SIK3: variants seen among roughly 807,000 people sequenced by gnomAD.
The protein encoded by SIK3 is serine/threonine-protein kinase SIK3.
In SIK3, 28 loss-of-function variants were observed where a neutral mutation model predicts 144.2. That is an observed-to-expected ratio of 0.19 (90% confidence interval 0.14 to 0.27). The LOEUF is 0.27. Ranked by LOEUF, SIK3 falls within the 10% of genes least tolerant of loss-of-function variation. SIK3 has a pLI of 1.00. For synonymous variants in SIK3, 686 were observed against 676.3 expected (o/e 1.01, Z -0.22); for missense variants, 1,319 against 1,776.0 (o/e 0.74, Z 4.62).
At chr11:116,942,112 A>G (rs1378188082) in intron 3 of SIK3, among the ~76,000 whole-genome samples, 3 of 152,178 alleles carry the variant, frequency 2.0e-5, no homozygotes, top group Non-Finnish European at 4.4e-5. Context: ...CAGTTACCCA[A>G]AAAAGGTGCT....
At chr11:116,912,374 G>A (rs1057415505) in intron 4 of SIK3, among the ~76,000 whole-genome samples, 4 of 152,114 alleles carry the variant, frequency 2.6e-5, no homozygotes, top group South Asian at 2.1e-4. Context: ...CAAAACGGGC[G>A]GCATTAATTT....
intron 6 of SIK3, chr11:116,893,872 G>A (rs1408566664): frequency 1.8e-5 from 3 of 164,172 alleles, no homozygotes; most frequent in South Asian, 4.2e-4. Context: ...AGAGCGTGTC[G>A]TCTATTTTCC....
At chr11:117,065,221 T>C (rs888448100) in intron 1 of SIK3, among the ~76,000 whole-genome samples, 1 of 151,524 alleles carries the variant, frequency 6.6e-6, no homozygotes, top group Non-Finnish European at 1.5e-5. Context: ...TTACCCAACA[T>C]AAAATGAGAC....
chr11:117,024,917 A>G (rs1301731051), intron 1 of SIK3, among the ~76,000 whole-genome samples: 1 of 151,968 alleles, frequency 6.6e-6, no homozygotes, highest in Non-Finnish European at 1.5e-5. Flanking sequence ...AAAAAAAATC[A>G]TCTAATGCAG....
rs553868575 is a variant in SIK3, at chr11:117,055,701, C to T, written c.273+42442G>A. On this transcript the variant is annotated intron_variant, in intron 1 of 24. Coordinates refer to ENST00000445177, the MANE Select transcript of SIK3 (RefSeq NM_001366686.3). ...TAGGGCCACAGTTTGAATGTCTCCGCCTCTAAAAGTCAGATGTTGCCAACG... is the reference window on the plus strand; with the variant it reads ...TAGGGCCACAGTTTGAATGTCTCCGTCTCTAAAAGTCAGATGTTGCCAACG... Among the ~76,000 whole-genome samples the T allele has an allele frequency of 5.3e-5, 8 of 152,374 alleles. 1 individual carries two copies. In the South Asian group the frequency reaches 1.7e-3, roughly 32 times the overall value.
chr11:116,933,255 C>T (rs1160108542), intron 3 of SIK3, among the ~76,000 whole-genome samples: 1 of 151,938 alleles, frequency 6.6e-6, no homozygotes, highest in Non-Finnish European at 1.5e-5. Flanking sequence ...ATTCTCCTGC[C>T]TCAGCCTCCC....
intron 4 of SIK3, among the ~76,000 whole-genome samples, chr11:116,898,126 C>G (rs575842025): frequency 6.7e-6 from 1 of 150,314 alleles, no homozygotes; most frequent in African/African-American, 2.5e-5. Flanking sequence ...CCTCCCCCGT[C>G]CCCCCACCCC....
intron 1 of SIK3, among the ~76,000 whole-genome samples, chr11:117,082,703 T>C (rs750424367): frequency 6.6e-6 from 1 of 152,130 alleles, no homozygotes; most frequent in Admixed American, 6.6e-5. Flanking sequence ...TGTATTATAG[T>C]GATGGTCGCA....
At chr11:117,093,900 A>C (rs1347122931) in intron 1 of SIK3, among the ~76,000 whole-genome samples, 1 of 152,070 alleles carries the variant, frequency 6.6e-6, no homozygotes, top group Non-Finnish European at 1.5e-5. Context: ...GGTGAGAAGC[A>C]AAAAAAGGAG....
chr11:116,947,170 T>TATTATTTATATATAATATATAATATATAA (rs1565486974), intron 3 of SIK3, among the ~76,000 whole-genome samples: 1 of 116,620 alleles, frequency 8.6e-6, no homozygotes, highest in Non-Finnish European at 1.6e-5. Context: ...ATATATAAAT[T>TATTATTTATATATAATATATAATATATAA]ATTATTTATA....
chr11:117,029,212 C>G (rs1484600338), intron 1 of SIK3, among the ~76,000 whole-genome samples: 1 of 152,240 alleles, frequency 6.6e-6, no homozygotes, highest in Non-Finnish European at 1.5e-5. Flanking sequence ...CCCAGCCTAT[C>G]CCAGCACTTT....
At chr11:116,927,159 T>C in intron 4 of SIK3, 60 bp downstream of exon 4, 2 of 1,289,810 alleles carry the variant, frequency 1.6e-6, no homozygotes, top group Middle Eastern at 1.9e-4. Context: ...ATCCCTTGCT[T>C]ATAGAACCCC....
chr11:116,935,852 A>C (rs1947889824), intron 3 of SIK3, among the ~76,000 whole-genome samples: 1 of 152,228 alleles, frequency 6.6e-6, no homozygotes, highest in African/African-American at 2.4e-5. Context: ...GTAGCATGAG[A>C]TGGTAACTAA....
At chr11:116,969,698 A>C (rs1383360019) in intron 1 of SIK3, among the ~76,000 whole-genome samples, 1 of 152,218 alleles carries the variant, frequency 6.6e-6, no homozygotes, top group Non-Finnish European at 1.5e-5. Context: ...AAAAATGATC[A>C]TACACAGCAG....
intron 16 of SIK3, 97 bp from the exon 17 acceptor site, chr11:116,862,424 A>T: frequency 1.3e-6 from 2 of 1,518,984 alleles, no homozygotes; most frequent in Non-Finnish European, 1.8e-6. Context: ...TCTCATGGGC[A>T]GAAAGAGCCG....
chr11:116,922,907 CTTTTTTTTTTTTTTTTTTTT>C (rs202058609), intron 4 of SIK3, among the ~76,000 whole-genome samples: 2 of 102,174 alleles, frequency 2.0e-5, no homozygotes, highest in African/African-American at 3.5e-5. Flanking sequence ...TTTCTTTTCT[CTTTTTTTTTTTTTTTTTTTT>C]TTTTTTTGAG....
intron 1 of SIK3, among the ~76,000 whole-genome samples, chr11:117,081,129 A>G (rs1954765282): frequency 1.3e-5 from 2 of 152,158 alleles, no homozygotes; most frequent in East Asian, 3.9e-4. Context: ...GTGGCAAACT[A>G]GATTGTGGTA....
intron 1 of SIK3, among the ~76,000 whole-genome samples, chr11:116,963,832 A>C (rs1949432182): frequency 6.6e-6 from 1 of 152,230 alleles, no homozygotes; most frequent in Admixed American, 6.5e-5. Context: ...TACCTTTGGA[A>C]TCAGCCTTAA....
At position 116,858,445 on chromosome 11, in the gene SIK3, T is replaced by C. The variant is rs55730930; in HGVS notation, c.3020A>G (p.Tyr1007Cys). Residue 1007 changes from tyrosine (Y) to cysteine (C), a missense_variant, in exon 21 of 25, where the codon TAT becomes TGT. By Grantham distance (194) the Tyr-to-Cys change is radical (BLOSUM62 -2). Coordinates refer to ENST00000445177, the MANE Select transcript of SIK3 (RefSeq NM_001366686.3). This position sits in a 1 kb window ranked among gnomAD's most constrained non-coding sequence, Gnocchi z 5.4. ...GTGGGGTACCTGCTGGTGTCTTGTA[T>C]AGTCTGGCGGCGTGGGAGACAGCAG... Reference protein sequence around the residue: ...QALLSPTPPDYTRHQQVPHIL... With the variant: ...QALLSPTPPDCTRHQQVPHIL... 7,075 of 1,607,204 alleles carry C rather than the reference T, an allele frequency of 4.4e-3. 13 individuals are homozygous for C. The highest frequency in any genetic ancestry group is 5.3e-3 in the Non-Finnish European group (6,186 of 1,175,790).
Sources: gnomAD v4.1 joint callset for allele counts (sites outside exome capture counted in the v4.1 genomes callset) on GRCh38, gnomAD v4.1.1 for gene constraint, Gnocchi (gnomAD v3.1) non-coding constraint, MANE v1.5 for transcripts, NCBI Gene and HGNC (gene_info 2026-07-23, HGNC 2026-07-21) for gene names.